The following IDE variants were observed in gnomAD, a reference collection of about 807,000 sequenced individuals.
IDE encodes the protein insulin degrading enzyme, also known as insulin-degrading enzyme.
A neutral mutation model predicts 133.2 loss-of-function variants in IDE; 58 were observed. The ratio of observed to expected loss-of-function variants is 0.44; its 90% CI spans 0.35 to 0.54. The LOEUF (loss-of-function observed/expected upper bound fraction) is 0.54, where lower values mean the gene tolerates loss of function less well. Ranked by LOEUF, IDE falls within the 20% of genes least tolerant of loss-of-function variation. IDE has a pLI of 0.00. For synonymous variants in IDE, 396 were observed against 421.3 expected (o/e 0.94, Z 0.73); for missense variants, 981 against 1,234.0 (o/e 0.79, Z 3.07).
At chr10:92,526,582 A>C (rs548260688) in intron 4 of IDE, among the ~76,000 whole-genome samples, 2 of 152,270 alleles carry the variant, frequency 1.3e-5, no homozygotes, top group African/African-American at 4.8e-5. Flanking sequence ...ATGATGGTTC[A>C]TGCCTGTAAC....
chr10:92,546,601 C>T (rs896378128), intron 1 of IDE, among the ~76,000 whole-genome samples: 4 of 152,070 alleles, frequency 2.6e-5, no homozygotes, highest in African/African-American at 7.2e-5. Context: ...AGGTGTGTCT[C>T]GAGACAATTA....
intron 22 of IDE, among the ~76,000 whole-genome samples, chr10:92,458,501 T>TTTG (rs1564588286): frequency 2.3e-5 from 2 of 85,374 alleles, no homozygotes; most frequent in East Asian, 2.7e-3. Flanking sequence ...TTTTTTTTTT[T>TTTG]TTTTTTTTTT....
intron 1 of IDE, among the ~76,000 whole-genome samples, chr10:92,554,383 G>A (rs887296445): frequency 5.9e-5 from 9 of 151,950 alleles, no homozygotes; most frequent in Middle Eastern, 3.2e-3. Context: ...GCAAGATACC[G>A]TCTCTACAAA....
intron 21 of IDE, 57 bp downstream of exon 21, chr10:92,463,674 G>T: frequency 6.9e-7 from 1 of 1,457,916 alleles, no homozygotes; most frequent in Non-Finnish European, 9.6e-7. Flanking sequence ...TTGTAGAATG[G>T]CCTTAATCAA....
rs554857695 is a variant in IDE at position 92,563,634 on chromosome 10, C to T, written c.98+10288G>A. On this transcript the variant is annotated intron_variant, in intron 1 of 24. Coordinates refer to ENST00000265986, the MANE Select transcript of IDE (RefSeq NM_004969.4). ...GGTGTGGTGGCACGCGCCTGTAGTC[C>T]CAACTACTTGGGAGGCTGAGGCAGA... 1.6e-4 allele frequency among the ~76,000 whole-genome samples: 25 copies of T among 151,906 alleles called. No homozygotes were observed. The South Asian group carries it at 4.8e-3, about 29-fold the overall frequency.
At chr10:92,510,556 A>G (rs1848526645) in intron 5 of IDE, among the ~76,000 whole-genome samples, 1 of 151,966 alleles carries the variant, frequency 6.6e-6, no homozygotes. Context: ...TTATTTATAA[A>G]AGACGCCTAT....
chr10:92,463,437 A>ATCTG (rs1450541814), intron 21 of IDE, among the ~76,000 whole-genome samples: 5 of 152,182 alleles, frequency 3.3e-5, no homozygotes, highest in African/African-American at 1.2e-4. Context: ...CTGTGATCAG[A>ATCTG]ATCTCAGGAT....
At chr10:92,489,092 T>G (rs557041041) in intron 12 of IDE, among the ~76,000 whole-genome samples, 3 of 152,270 alleles carry the variant, frequency 2.0e-5, no homozygotes, top group African/African-American at 7.2e-5. Flanking sequence ...TGGCACAGCC[T>G]TGCAGATTTT....
chr10:92,496,503 T>C (rs1464981883), intron 11 of IDE, among the ~76,000 whole-genome samples: 2 of 152,010 alleles, frequency 1.3e-5, no homozygotes, highest in Admixed American at 1.3e-4. Flanking sequence ...ACCACCTCTC[T>C]AGCCAGGTGT....
intron 12 of IDE, among the ~76,000 whole-genome samples, chr10:92,490,250 T>C (rs1216598203): frequency 6.6e-6 from 1 of 152,232 alleles, no homozygotes; most frequent in Non-Finnish European, 1.5e-5. Flanking sequence ...TTAGTTACAT[T>C]TTATGGCATG....
intron 1 of IDE, among the ~76,000 whole-genome samples, chr10:92,552,499 G>A (rs1008394456): frequency 1.3e-5 from 2 of 152,036 alleles, no homozygotes; most frequent in Non-Finnish European, 2.9e-5. Flanking sequence ...TAGACTGGCC[G>A]GCCACTAGAA....
Position 92,470,267 on chromosome 10 carries a change from T to G in IDE, c.2195A>C (p.Asn732Thr). 1 of 1,604,404 alleles carries G rather than the reference T, an allele frequency of 6.2e-7. No homozygotes were observed. Among genetic ancestry groups the G allele is most frequent in the African/African-American group, 1.3e-5 (1 of 74,760 alleles). Residue 732 changes from asparagine to threonine, a missense_variant, in exon 18 of 25, where the codon AAC becomes ACC. Coordinates refer to ENST00000265986, the MANE Select transcript of IDE (RefSeq NM_004969.4). ...RLHIEALLHG[N>T]ITKQAALGIM... is the part of the protein sequence containing the mutation. Reference sequence around the variant, plus strand: ...TCAACCACCCACCTGCTTTGTTATGTTTCCATGGAGAAGGGCTTCAATGTG... The same window carrying G: ...TCAACCACCCACCTGCTTTGTTATGGTTCCATGGAGAAGGGCTTCAATGTG...
At chr10:92,510,707 TGATA>T (rs1377480211) in intron 5 of IDE, among the ~76,000 whole-genome samples, 1 of 151,522 alleles carries the variant, frequency 6.6e-6, no homozygotes, top group African/African-American at 2.4e-5. Flanking sequence ...CTCACATATA[TGATA>T]TATATCACAT....
At position 92,463,922 on chromosome 10, in the gene IDE, T is replaced by G. The variant is rs547079065; in HGVS notation, c.2570A>C (p.His857Pro). Reference sequence around the variant, plus strand: ...AGCTTCCACTCTGCTTTCTAGGTAGTGAGGTGGCTTTTCTGACTGGATGAT... The same window carrying G: ...AGCTTCCACTCTGCTTTCTAGGTAGGGAGGTGGCTTTTCTGACTGGATGAT... The part of the protein sequence containing the change: ...RFIIQSEKPP[H>P]YLESRVEAFL... Residue 857 changes from histidine to proline, a missense_variant, in exon 21 of 25, where the codon CAC becomes CCC. His to Pro is a moderately conservative substitution (Grantham distance 77). This residue lies in a region of IDE where 660 missense variants were observed against 894.7 expected (regional missense o/e 0.74). Coordinates refer to ENST00000265986, the MANE Select transcript of IDE (RefSeq NM_004969.4). 1.2e-6 allele frequency: 2 copies of G among 1,614,166 alleles called. No homozygotes were observed. Among genetic ancestry groups the G allele is most frequent in the South Asian group, 2.2e-5 (2 of 91,074 alleles).
chr10:92,455,517 C>A, intron 24 of IDE, 59 bp downstream of exon 24: 1 of 1,065,742 alleles, frequency 9.4e-7, no homozygotes, highest in South Asian at 1.3e-5. Context: ...AACCAAGCTG[C>A]TTCTTCTAAA....
intron 13 of IDE, among the ~76,000 whole-genome samples, chr10:92,484,784 A>C (rs190423371): frequency 2.3e-4 from 35 of 151,982 alleles, no homozygotes; most frequent in Middle Eastern, 3.4e-3. Context: ...GAAACCAGGC[A>C]TGATGGTTCA....
At chr10:92,494,207 A>G (rs956156816) in intron 11 of IDE, among the ~76,000 whole-genome samples, 1 of 149,316 alleles carries the variant, frequency 6.7e-6, no homozygotes, top group African/African-American at 2.5e-5. Flanking sequence ...GACTACAGGC[A>G]TATACCACCA....
In IDE at chr10:92,479,251, GAAGGCTCT is replaced by G; in HGVS notation, c.1884+18_1884+25del. On this transcript the variant is annotated intron_variant, in intron 15 of 24. Coordinates refer to ENST00000265986, the MANE Select transcript of IDE (RefSeq NM_004969.4). ...TCAATATAAAAAATGTTGATGAGTG[GAAGGCTCT>G]AAGGCGTGGGTACTTACATACATCC... 6.5e-7 allele frequency: 1 copy of G among 1,530,346 alleles called. No homozygotes were observed. The highest frequency in any genetic ancestry group is 8.9e-7 in the Non-Finnish European group (1 of 1,122,516). The allele number at this position is 1,530,346 out of a possible 1,614,324, so 94.8% of individuals were successfully genotyped here.
intron 5 of IDE, among the ~76,000 whole-genome samples, chr10:92,511,579 C>T (rs543303409): frequency 3.3e-5 from 5 of 152,262 alleles, no homozygotes; most frequent in East Asian, 3.9e-4. Context: ...CATGAATTCT[C>T]GAGAGTACTA....
Sources: allele counts gnomAD v4.1 joint callset (sites outside exome capture counted in the v4.1 genomes callset), GRCh38; gene constraint gnomAD v4.1.1; regional missense constraint gnomAD v4.1.1; transcripts MANE v1.5; gene names NCBI Gene and HGNC (gene_info 2026-07-23, HGNC 2026-07-21).